The following CELF5 variants were observed in gnomAD, a reference collection of about 807,000 sequenced individuals.
CELF5 encodes CUGBP Elav-like family member 5.
Under a neutral mutation model 54.9 loss-of-function variants are expected in CELF5, and 6 were observed. The observed-to-expected ratio is 0.11, with a 90% confidence interval of 0.06 to 0.22. CELF5 has a LOEUF of 0.22. CELF5 is among the 10% of genes least tolerant of loss of function. The pLI, the probability that CELF5 is intolerant of heterozygous loss-of-function variation, is 1.00. For missense variants in CELF5, 401 were observed against 678.6 expected (o/e 0.59, Z 4.54); for synonymous variants, 271 against 290.9 (o/e 0.93, Z 0.70).
At chr19:3,242,075 C>T (rs2079499031) in intron 1 of CELF5, among the ~76,000 whole-genome samples, 1 of 152,044 alleles carries the variant, frequency 6.6e-6, no homozygotes, top group Non-Finnish European at 1.5e-5. Context: ...ATGCCCGGCC[C>T]AAGGTGGCAC....
chr19:3,295,239 G>C (rs1402529387), intron 12 of CELF5: 1 of 151,144 alleles, frequency 6.6e-6, no homozygotes, highest in Non-Finnish European at 1.5e-5. Flanking sequence ...GGTGGGGGAG[G>C]CTCCTGAATC....
chr19:3,250,872 C>CGGTCGCCGA, intron 1 of CELF5, 113 bp from the exon 2 acceptor site: 1 of 490,874 alleles, frequency 2.0e-6, no homozygotes, highest in South Asian at 3.8e-5. Flanking sequence ...TAGATCTATG[C>CGGTCGCCGA]ATCTGTGGAT....
chr19:3,281,097 C>T lies in CELF5; in HGVS notation c.604-102C>T. 1 of 1,382,858 alleles carries T rather than the reference C, an allele frequency of 7.2e-7. No individual in the cohort carries two copies. Among genetic ancestry groups the T allele is most frequent in the Admixed American group, 1.8e-5 (1 of 54,310 alleles). 85.7% of individuals were successfully genotyped at this position (1,382,858 alleles called of 1,614,324 possible). The stretch of plus-strand genomic sequence containing the variant: ...ACATGGCTGACAGCCACTGGCATTA[C>T]ACCCCTCACCCAGGAGGCCTGAGCT... On this transcript the variant is annotated intron_variant, in intron 5 of 12. Transcript: ENST00000292672. This position sits in a 1 kb window ranked among gnomAD's most constrained non-coding sequence, Gnocchi z 6.5.
Position 3,268,700 on chromosome 19 carries a change from C to T in CELF5, c.343-5172C>T, listed in dbSNP as rs1416066336. Among the ~76,000 whole-genome samples, 1 of 152,000 alleles carries T rather than the reference C, an allele frequency of 6.6e-6. No individual in the cohort carries two copies. Among genetic ancestry groups the T allele is most frequent in the Non-Finnish European group, 1.5e-5 (1 of 68,002 alleles). On this transcript the variant is annotated intron_variant, in intron 2 of 12. Coordinates refer to ENST00000292672, the MANE Select transcript of CELF5 (RefSeq NM_021938.4). The surrounding 1 kb of genome is among the most constrained non-coding windows in gnomAD (Gnocchi z 4.4). ...TCACAAAGCCCAGTGCCCTTGTGCC[C>T]CTGCCTCCCACCGGAGCTACCCCAA...
chr19:3,271,870 C>T (rs963900729), intron 2 of CELF5, among the ~76,000 whole-genome samples: 5 of 151,970 alleles, frequency 3.3e-5, no homozygotes, highest in Admixed American at 2.6e-4. Context: ...TTGGGGGTCC[C>T]AAAATGGGGA....
chr19:3,256,064 CA>C (rs1555720976), intron 2 of CELF5, among the ~76,000 whole-genome samples: 1 of 139,550 alleles, frequency 7.2e-6, no homozygotes. Flanking sequence ...GACCCTGTCT[CA>C]AAAAAAAAGG....
intron 2 of CELF5, among the ~76,000 whole-genome samples, chr19:3,252,558 C>T (rs1405818335): frequency 1.3e-5 from 2 of 152,152 alleles, no homozygotes; most frequent in Non-Finnish European, 2.9e-5. Flanking sequence ...TTTCAGCCTC[C>T]AGGGACATCA....
intron 1 of CELF5, among the ~76,000 whole-genome samples, chr19:3,250,542 C>T (rs2079634294): frequency 6.6e-6 from 1 of 152,136 alleles, no homozygotes; most frequent in African/African-American, 2.4e-5. Flanking sequence ...TAAGCATATT[C>T]ACACGGTTGT....
chr19:3,263,508 C>A lies in CELF5; in HGVS notation c.343-10364C>A, dbSNP rs539608437. On this transcript the variant is annotated intron_variant, in intron 2 of 12. Transcript: ENST00000292672. Reference sequence around the variant, plus strand: ...CCCGGGAGACGGAGGTTGCAGTGAGCCGAGATTGTGCCACTGCACTCCAGC... The same window carrying A: ...CCCGGGAGACGGAGGTTGCAGTGAGACGAGATTGTGCCACTGCACTCCAGC... 5.9e-5 allele frequency among the ~76,000 whole-genome samples: 9 copies of A among 152,112 alleles called. No homozygotes were observed. In the East Asian group the frequency reaches 1.7e-3, roughly 29 times the overall value.
At chr19:3,276,844 G>A (rs2080063446) in intron 4 of CELF5, among the ~76,000 whole-genome samples, 3 of 92,846 alleles carry the variant, frequency 3.2e-5, no homozygotes, top group Admixed American at 3.1e-4. Flanking sequence ...CTGTGAGTAG[G>A]GATGCAGGGG....
At chr19:3,269,821 G>T (rs117311812) in intron 2 of CELF5, among the ~76,000 whole-genome samples, 1 of 152,046 alleles carries the variant, frequency 6.6e-6, no homozygotes. Context: ...GAGTGCAGTG[G>T]AAGCGATCAT....
intron 8 of CELF5, among the ~76,000 whole-genome samples, chr19:3,284,066 C>T (rs574566814): frequency 2.0e-5 from 3 of 151,342 alleles, no homozygotes; most frequent in African/African-American, 7.3e-5. Context: ...AAGCTGGTCT[C>T]GAAACTCCTG....
chr19:3,227,680 C>CA (rs1239219705), intron 1 of CELF5, among the ~76,000 whole-genome samples: 1 of 152,052 alleles, frequency 6.6e-6, no homozygotes, highest in African/African-American at 2.4e-5. Flanking sequence ...TTGATTTCCC[C>CA]ATGGAACCCA....
In CELF5 at chr19:3,281,778, A is replaced by G. The variant is rs568749034; in HGVS notation, c.751-348A>G. 1.3e-5 allele frequency among the ~76,000 whole-genome samples: 2 copies of G among 151,816 alleles called. No individual in the cohort carries two copies. The highest frequency in any genetic ancestry group is 2.4e-5 in the African/African-American group (1 of 41,382). ...TCATCCTAGATGGAGCCTTGATCTC[A>G]GTCTGAGCCTCACTTCCTAACCGAG... On this transcript the variant is annotated intron_variant, in intron 6 of 12. Coordinates refer to ENST00000292672, the MANE Select transcript of CELF5 (RefSeq NM_021938.4). This position sits in a 1 kb window ranked among gnomAD's most constrained non-coding sequence, Gnocchi z 6.5.
At chr19:3,267,460 CT>C (rs755971435) in intron 2 of CELF5, among the ~76,000 whole-genome samples, 1 of 152,212 alleles carries the variant, frequency 6.6e-6, no homozygotes, top group Non-Finnish European at 1.5e-5. Flanking sequence ...GGGGAAGCTG[CT>C]GGCTGGGCCG....
chr19:3,224,846 C>A lies in CELF5; in HGVS notation c.107C>A (p.Pro36His). ...GGGCCCGAGCCCCCCGGGGGGCAGC[C>A]CGACGGCATGAAGGACCTGGACGCC... is the stretch of plus-strand genomic sequence containing the variant. ...SSGPEPPGGQ[P>H]DGMKDLDAIK... is the part of the protein sequence containing the mutation. Residue 36 changes from proline (P) to histidine (H), a missense_variant, in exon 1 of 13, where the codon CCC becomes CAC. This residue lies in a region of CELF5 where 46 missense variants were observed against 55.0 expected (regional missense o/e 0.84). Coordinates refer to ENST00000292672, the MANE Select transcript of CELF5 (RefSeq NM_021938.4). 6.3e-7 allele frequency: 1 copy of A among 1,597,994 alleles called. No individual in the cohort carries two copies. Among genetic ancestry groups the A allele is most frequent in the Non-Finnish European group, 8.5e-7 (1 of 1,173,318 alleles).
At chr19:3,272,101 C>T (rs530133867) in intron 2 of CELF5, among the ~76,000 whole-genome samples, 5 of 152,338 alleles carry the variant, frequency 3.3e-5, no homozygotes, top group South Asian at 4.1e-4. Flanking sequence ...GGTGCAGGGG[C>T]TCACGCCTGT....
chr19:3,246,359 G>GTCTC lies in CELF5; in HGVS notation c.260-4608_260-4605dup, dbSNP rs113436630. Among the ~76,000 whole-genome samples, 561 of 146,926 alleles carry GTCTC rather than the reference G, an allele frequency of 3.8e-3. 7 individuals are homozygous for GTCTC. The highest frequency in any genetic ancestry group is 0.025 in the South Asian group (114 of 4,562). The stretch of plus-strand genomic sequence containing the variant: ...AGCCTGGGCGATAGATTGAGACTCA[G>GTCTC]TCTCTCTCTCTCTCTCTCTCTGGCT... On this transcript the variant is annotated intron_variant, in intron 1 of 12. Coordinates refer to ENST00000292672, the MANE Select transcript of CELF5 (RefSeq NM_021938.4).
At chr19:3,294,032 T>G (rs564112705) in intron 12 of CELF5, 1 of 152,488 alleles carries the variant, frequency 6.6e-6, no homozygotes, top group African/African-American at 2.4e-5. Context: ...CCATTTCCAC[T>G]AGTTCCCCTG....
Sources: allele counts gnomAD v4.1 joint callset (sites outside exome capture counted in the v4.1 genomes callset), GRCh38; gene constraint gnomAD v4.1.1; regional missense constraint gnomAD v4.1.1; non-coding constraint Gnocchi (gnomAD v3.1); transcripts MANE v1.5; gene names NCBI Gene and HGNC (gene_info 2026-07-23, HGNC 2026-07-21).